The following YTHDC1 variants were observed in gnomAD, a reference collection of about 807,000 sequenced individuals.
YTHDC1 encodes the protein YTH N6-methyladenosine RNA binding protein C1.
A neutral mutation model predicts 107.0 loss-of-function variants in YTHDC1; 12 were observed. That is an observed-to-expected ratio of 0.11 (90% CI 0.07 to 0.18). The LOEUF is 0.18. Among genes scored for constraint, YTHDC1 ranks in the 10% least tolerant of loss-of-function variants. The pLI is 1.00. For missense variants in YTHDC1, 635 were observed against 898.8 expected (o/e 0.71, Z 3.75); for synonymous variants, 280 against 289.5 (o/e 0.97, Z 0.33).
chr4:68,338,452 CTAAG>C (rs1724470085), intron 1 of YTHDC1, 68 bp from the exon 2 acceptor site: 2 of 1,251,656 alleles, frequency 1.6e-6, no homozygotes, highest in African/African-American at 1.5e-5. Context: ...TGAGTACTTA[CTAAG>C]TGTGAGGCCA....
rs1224102465 is a variant in YTHDC1, at chr4:68,316,318, C to T, written c.1955G>A (p.Arg652Gln). Residue 652 changes from arginine to glutamine, a missense_variant, in exon 16 of 17, where the codon CGA becomes CAA. By Grantham distance (43) the Arg-to-Gln change is conservative (BLOSUM62 1). Transcript: ENST00000344157. ...TTTGCCTCCTTGTGCACTTACTACT[C>T]GTTTATCTCTGTATCTTGCTTCATG... ...VPHEARYRDK[R>Q]VHDYDMRVDD... The T allele has an allele frequency of 1.2e-6, 2 of 1,611,338 alleles. No homozygotes were observed. The highest frequency in any genetic ancestry group is 1.7e-6 in the Non-Finnish European group (2 of 1,178,698).
chr4:68,316,152 C>T (rs1046423927), intron 16 of YTHDC1, 162 bp downstream of exon 16: 27 of 774,826 alleles, frequency 3.5e-5, no homozygotes, highest in Admixed American at 1.2e-4. Context: ...TCCAAAGGGG[C>T]ATAATCAGGC....
At chr4:68,318,953 C>A (rs1722153289) in intron 12 of YTHDC1, 91 bp from the exon 13 acceptor site, 3 of 1,360,192 alleles carry the variant, frequency 2.2e-6, no homozygotes, top group Non-Finnish European at 3.1e-6. Context: ...CGTTTCAATT[C>A]TTTCCATGAA....
At chr4:68,319,580 G>A (rs781420083) in intron 12 of YTHDC1, among the ~76,000 whole-genome samples, 1 of 152,112 alleles carries the variant, frequency 6.6e-6, no homozygotes, top group East Asian at 1.9e-4. Flanking sequence ...AGTTTCACAA[G>A]TGTATCACTG....
intron 2 of YTHDC1, 31 bp downstream of exon 2, chr4:68,338,252 T>A: frequency 1.3e-6 from 2 of 1,555,210 alleles, no homozygotes; most frequent in Non-Finnish European, 1.8e-6. Context: ...TATACTGTTA[T>A]TTCAACAAAA....
In YTHDC1 at chr4:68,338,395, A is replaced by G. The variant is rs1334514892; in HGVS notation, c.29-11T>C. 5 of 1,564,262 alleles carry G rather than the reference A, an allele frequency of 3.2e-6. No individual in the cohort carries two copies. In the African/African-American group the frequency reaches 5.5e-5, roughly 17 times the overall value. On this transcript the variant is annotated splice_polypyrimidine_tract_variant and intron_variant, in intron 1 of 16. Coordinates refer to ENST00000344157, the MANE Select transcript of YTHDC1 (RefSeq NM_001031732.4). ...CATTAAGTTCTCCATCTGCAAATAA[A>G]ATTAAAAATTAATAGGGAAAAATCA...
At chr4:68,327,154 T>C (rs1300379394) in intron 9 of YTHDC1, among the ~76,000 whole-genome samples, 1 of 151,902 alleles carries the variant, frequency 6.6e-6, no homozygotes, top group Non-Finnish European at 1.5e-5. Context: ...AAGAATCGCT[T>C]GAACCCGGGA....
rs1722445400 is a variant in YTHDC1 at position 68,321,519 on chromosome 4, T to C, written c.1601+1230A>G. On this transcript the variant is annotated intron_variant, in intron 11 of 16. Transcript: ENST00000344157. ...AGGCTTGAGAGAAGGTGTAGTGGTG[T>C]AATAAGTATAGTTTGCAGTCCATTG... Among the ~76,000 whole-genome samples, 3 of 152,192 alleles carry C rather than the reference T, an allele frequency of 2.0e-5. No individual in the cohort carries two copies. In the South Asian group the frequency reaches 6.2e-4, roughly 31 times the overall value.
At chr4:68,335,138 T>C (rs1039324117) in intron 4 of YTHDC1, among the ~76,000 whole-genome samples, 1 of 152,134 alleles carries the variant, frequency 6.6e-6, no homozygotes, top group African/African-American at 2.4e-5. Context: ...TTTTATAAAG[T>C]TACCAAAAAT....
chr4:68,322,482 T>TGATA lies in YTHDC1; in HGVS notation c.1601+266_1601+267insTATC. ...CCTCATTTCAATTGTATACATTGTA[T>TGATA]TATCAGAGTATTATCTAATCTAAAC... is the stretch of plus-strand genomic sequence containing the variant. On this transcript the variant is annotated intron_variant, in intron 11 of 16. Transcript: ENST00000344157. This position sits in a 1 kb window ranked among gnomAD's most constrained non-coding sequence, Gnocchi z 4.8. 2.5e-6 allele frequency: 1 copy of TGATA among 406,284 alleles called. No homozygotes were observed. The highest frequency in any genetic ancestry group is 3.8e-5 in the East Asian group (1 of 26,442). The allele number at this position is 406,284 out of a possible 1,614,324, so 25.2% of individuals were successfully genotyped here. A position where few individuals can be genotyped will look rare whatever the true frequency, so the allele number is the denominator to read the frequency against.
Position 68,330,284 on chromosome 4 carries a change from A to G in YTHDC1, c.1149T>C (p.Asn383=). 6.2e-7 allele frequency: 1 copy of G among 1,604,442 alleles called. No individual in the cohort carries two copies. The highest frequency in any genetic ancestry group is 8.5e-7 in the Non-Finnish European group (1 of 1,175,482). ...AKGVWSTLPV[N]EKKLNLAFRS... ...TAAATGCAAGATTTAATTTCTTCTC[A>G]TTTACAGGGAGCGTGGACCATACAC... Residue 383 remains asparagine, a synonymous_variant, in exon 8 of 17, where the codon AAT becomes AAC. Transcript: ENST00000344157.
rs1000597198 is a variant in YTHDC1, at chr4:68,311,376, T to A, written c.*2723A>T. 6.6e-6 allele frequency: 1 copy of A among 152,160 alleles called. No individual in the cohort carries two copies. The highest frequency in any genetic ancestry group is 6.5e-5 in the Admixed American group (1 of 15,272). 9.4% of individuals were successfully genotyped at this position (152,160 alleles called of 1,614,324 possible). ...TTACATGCTTGAATTTTCACTCCTT[T>A]GAACTATTACTCCAGCCAATAAAAT... On this transcript the variant is annotated 3_prime_UTR_variant, in exon 17 of 17. Transcript: ENST00000344157.
chr4:68,331,998 C>T (rs923716174), intron 7 of YTHDC1, 105 bp downstream of exon 7: 4 of 610,822 alleles, frequency 6.5e-6, no homozygotes, highest in African/African-American at 3.9e-5. Flanking sequence ...TCTTTAAAGC[C>T]GTAATGAAAA....
At chr4:68,331,817 A>T (rs1371324799) in intron 7 of YTHDC1, among the ~76,000 whole-genome samples, 1 of 152,076 alleles carries the variant, frequency 6.6e-6, no homozygotes, top group Admixed American at 6.6e-5. Flanking sequence ...GGAAGTACAG[A>T]AACAAAAATC....
intron 15 of YTHDC1, 100 bp from the exon 16 acceptor site, chr4:68,316,548 A>C: frequency 7.2e-7 from 1 of 1,395,792 alleles, no homozygotes; most frequent in South Asian, 1.4e-5. Context: ...CAAACAAGTG[A>C]ATCTGTACTA....
At chr4:68,340,128 TC>T (rs1724651882) in intron 1 of YTHDC1, among the ~76,000 whole-genome samples, 1 of 152,012 alleles carries the variant, frequency 6.6e-6, no homozygotes, top group Non-Finnish European at 1.5e-5. Flanking sequence ...TACAGAAAGG[TC>T]TATTAATTAA....
chr4:68,332,383 A>G (rs1308752022), intron 6 of YTHDC1, among the ~76,000 whole-genome samples, 186 bp from the exon 7 acceptor site: 1 of 152,158 alleles, frequency 6.6e-6, no homozygotes, highest in Non-Finnish European at 1.5e-5. Context: ...CAATCAGCAT[A>G]TTGCAAGAAA....
At chr4:68,339,695 T>C (rs1461717736) in intron 1 of YTHDC1, among the ~76,000 whole-genome samples, 1 of 152,190 alleles carries the variant, frequency 6.6e-6, no homozygotes, top group African/African-American at 2.4e-5. Context: ...TTCTTCACAC[T>C]GCACTTGTAG....
intron 10 of YTHDC1, among the ~76,000 whole-genome samples, 187 bp downstream of exon 10, chr4:68,323,952 A>G (rs1029390915): frequency 3.3e-5 from 5 of 152,244 alleles, no homozygotes; most frequent in African/African-American, 9.6e-5. Flanking sequence ...AAAGCTGCCT[A>G]TATTTCAACA....
Sources: allele counts gnomAD v4.1 joint callset (sites outside exome capture counted in the v4.1 genomes callset), GRCh38; gene constraint gnomAD v4.1.1; non-coding constraint Gnocchi (gnomAD v3.1); transcripts MANE v1.5; gene names NCBI Gene and HGNC (gene_info 2026-07-23, HGNC 2026-07-21).